PTPRR: variants seen among roughly 807,000 people sequenced by gnomAD.
PTPRR encodes the protein protein tyrosine phosphatase receptor type R.
A neutral mutation model predicts 77.2 loss-of-function variants in PTPRR; 38 were observed. That is an observed-to-expected ratio of 0.49 (90% CI 0.38 to 0.65). PTPRR has a LOEUF of 0.65. PTPRR is among the 30% of genes least tolerant of loss of function. PTPRR has a pLI of 0.00. For missense variants in PTPRR, 744 were observed against 799.2 expected (o/e 0.93, Z 0.83); for synonymous variants, 299 against 283.1 (o/e 1.06, Z -0.57).
In PTPRR at chr12:70,835,235, G is replaced by T. The variant is rs149755713; in HGVS notation, c.357+57444C>A. ...ATTAAAAGAGACTATATGCATAAAT[G>T]CCCTTTGTATACTTAAAATTGCTAT... On this transcript the variant is annotated intron_variant, in intron 2 of 13. Transcript: ENST00000283228. 4.1e-3 allele frequency among the ~76,000 whole-genome samples: 624 copies of T among 152,150 alleles called. 3 individuals carry two copies. The highest frequency in any genetic ancestry group is 0.014 in the African/African-American group (585 of 41,544).
intron 6 of PTPRR, among the ~76,000 whole-genome samples, chr12:70,702,583 TACA>T (rs139611308): frequency 3.3e-5 from 5 of 152,280 alleles, no homozygotes; most frequent in South Asian, 4.1e-4. Flanking sequence ...TATTGGAATA[TACA>T]ACAACAACAA....
chr12:70,859,942 A>C (rs1405656200), intron 2 of PTPRR, among the ~76,000 whole-genome samples: 1 of 151,992 alleles, frequency 6.6e-6, no homozygotes, highest in Admixed American at 6.6e-5. Flanking sequence ...TCTGTTATTG[A>C]AATAATTCTC....
intron 6 of PTPRR, among the ~76,000 whole-genome samples, chr12:70,712,054 T>C (rs1313459136): frequency 6.6e-6 from 1 of 152,140 alleles, no homozygotes; most frequent in African/African-American, 2.4e-5. Context: ...GGATGACCTT[T>C]GCTCCCTACA....
chr12:70,656,825 G>C lies in PTPRR; in HGVS notation c.1767-8C>G, dbSNP rs1342774534. On this transcript the variant is annotated splice_polypyrimidine_tract_variant and splice_region_variant and intron_variant, in intron 12 of 13. Coordinates refer to ENST00000283228, the MANE Select transcript of PTPRR (RefSeq NM_002849.4). ...GTTCTACCTATTCCTGCACTGAAAA[G>C]AAAAGAAAAGAAATTTAAAAAGTGG... The C allele has an allele frequency of 4.5e-6, 7 of 1,551,932 alleles. No homozygotes were observed. The highest frequency in any genetic ancestry group is 6.2e-6 in the Non-Finnish European group (7 of 1,130,484).
intron 2 of PTPRR, among the ~76,000 whole-genome samples, chr12:70,867,001 A>G (rs2137085774): frequency 1.3e-5 from 2 of 151,932 alleles, no homozygotes; most frequent in South Asian, 4.2e-4. Context: ...CCTTCATGCT[A>G]AAAACTCTCA....
At chr12:70,899,463 G>A (rs77590316) in intron 1 of PTPRR, among the ~76,000 whole-genome samples, 4,418 of 151,200 alleles carry the variant, frequency 0.029, 109 homozygotes, top group Non-Finnish European at 0.047. Flanking sequence ...AGTCTAAAGA[G>A]GAAAAATAAT....
At chr12:70,835,222 T>C (rs1389549621) in intron 2 of PTPRR, among the ~76,000 whole-genome samples, 2 of 152,174 alleles carry the variant, frequency 1.3e-5, no homozygotes, top group African/African-American at 2.4e-5. Flanking sequence ...TAAAAGAGAC[T>C]ATATGCATAA....
chr12:70,861,888 A>C (rs1892759425), intron 2 of PTPRR, among the ~76,000 whole-genome samples: 1 of 152,168 alleles, frequency 6.6e-6, no homozygotes, highest in African/African-American at 2.4e-5. Context: ...TTTGGATTTC[A>C]AAACCAGACT....
At chr12:70,907,865 G>A (rs1191629229) in intron 1 of PTPRR, among the ~76,000 whole-genome samples, 1 of 152,122 alleles carries the variant, frequency 6.6e-6, no homozygotes, top group African/African-American at 2.4e-5. Flanking sequence ...GCCATTAAGA[G>A]AGGACTATCA....
chr12:70,723,348 T>C (rs187876664), intron 6 of PTPRR, among the ~76,000 whole-genome samples: 8 of 152,262 alleles, frequency 5.3e-5, no homozygotes, highest in African/African-American at 1.9e-4. Context: ...GCTTTTTTTT[T>C]TCCCCTTTTA....
intron 3 of PTPRR, among the ~76,000 whole-genome samples, chr12:70,763,197 C>T (rs904662718): frequency 1.3e-5 from 2 of 151,836 alleles, no homozygotes; most frequent in Non-Finnish European, 2.9e-5. Context: ...GGAGTGATCT[C>T]TGCTCACTGC....
chr12:70,879,236 G>T (rs1455062202), intron 2 of PTPRR, among the ~76,000 whole-genome samples: 1 of 151,836 alleles, frequency 6.6e-6, no homozygotes, highest in African/African-American at 2.4e-5. Context: ...ATGTACCCTA[G>T]AACTTTAAGT....
chr12:70,751,869 G>A (rs1422055196), intron 5 of PTPRR, among the ~76,000 whole-genome samples: 1 of 152,118 alleles, frequency 6.6e-6, no homozygotes, highest in African/African-American at 2.4e-5. Context: ...CCATAGTGTA[G>A]ATAGTGTAGA....
At chr12:70,770,726 T>C (rs1258633512) in intron 2 of PTPRR, among the ~76,000 whole-genome samples, 1 of 152,112 alleles carries the variant, frequency 6.6e-6, no homozygotes, top group Non-Finnish European at 1.5e-5. Flanking sequence ...TGCGGCACAA[T>C]TCACAATAGC....
chr12:70,650,115 A>T (rs943767177), intron 13 of PTPRR, among the ~76,000 whole-genome samples: 5 of 152,192 alleles, frequency 3.3e-5, no homozygotes, highest in Admixed American at 6.5e-5. Context: ...ATTAATGCTT[A>T]TTGTGAGTCT....
intron 1 of PTPRR, among the ~76,000 whole-genome samples, chr12:70,917,387 C>T (rs10506617): frequency 0.041 from 6,196 of 152,104 alleles, 153 homozygotes; most frequent in African/African-American, 0.061. Context: ...GCTTTTATCC[C>T]GACTATGCTA....
chr12:70,784,664 A>G (rs957436020), intron 2 of PTPRR, among the ~76,000 whole-genome samples: 1 of 152,256 alleles, frequency 6.6e-6, no homozygotes. Context: ...GCTATAAAAC[A>G]GCTAGAAGTG....
Position 70,871,305 on chromosome 12 carries a change from G to T in PTPRR, c.357+21374C>A, listed in dbSNP as rs146759094. 7.8e-3 allele frequency among the ~76,000 whole-genome samples: 1,183 copies of T among 152,268 alleles called. 7 individuals are homozygous for T. Among genetic ancestry groups the T allele is most frequent in the Non-Finnish European group, 0.011 (771 of 68,012 alleles). On this transcript the variant is annotated intron_variant, in intron 2 of 13. Transcript: ENST00000283228. ...GGATACATAGGATTAGGAGAAGTTT[G>T]TCTTCAGAGCTGCTCATTCCACAAA... is the stretch of plus-strand genomic sequence containing the variant.
At chr12:70,684,838 C>G in intron 8 of PTPRR, 55 bp from the exon 9 acceptor site, 1 of 1,229,292 alleles carries the variant, frequency 8.1e-7, no homozygotes, top group Non-Finnish European at 1.2e-6. Context: ...TTTTAAAGTT[C>G]CTTAGAATGC....
Sources: allele counts gnomAD v4.1 joint callset (sites outside exome capture counted in the v4.1 genomes callset), GRCh38; gene constraint gnomAD v4.1.1; transcripts MANE v1.5; gene names NCBI Gene and HGNC (gene_info 2026-07-23, HGNC 2026-07-21).